LAMP5: variants seen among roughly 807,000 people sequenced by gnomAD.
The protein encoded by LAMP5 is lysosome-associated membrane glycoprotein 5.
A neutral mutation model predicts 30.2 loss-of-function variants in LAMP5; 36 were observed. The ratio of observed to expected loss-of-function variants is 1.19; its 90% CI spans 0.91 to 1.57. LAMP5 has a LOEUF of 1.57. Ranked by LOEUF, LAMP5 falls within the 40% of genes most tolerant of loss-of-function variation. LAMP5 has a pLI of 0.00. For synonymous variants in LAMP5, 149 were observed against 134.6 expected (o/e 1.11, Z -0.74); for missense variants, 377 against 354.9 (o/e 1.06, Z -0.50).
chr20:9,528,338 G>T (rs759406434), intron 5 of LAMP5, among the ~76,000 whole-genome samples: 1 of 151,946 alleles, frequency 6.6e-6, no homozygotes, highest in Non-Finnish European at 1.5e-5. Context: ...GTGTGTTTGT[G>T]TTGGGGAGAG....
At chr20:9,523,401 T>C (rs997529540) in intron 5 of LAMP5, among the ~76,000 whole-genome samples, 3 of 152,138 alleles carry the variant, frequency 2.0e-5, no homozygotes, top group African/African-American at 2.4e-5. Context: ...ATGCCATTCA[T>C]TGGGGGTGCA....
chr20:9,524,153 G>A (rs543964915), intron 5 of LAMP5, among the ~76,000 whole-genome samples: 2 of 152,188 alleles, frequency 1.3e-5, no homozygotes, highest in South Asian at 4.2e-4. Flanking sequence ...GTTCCAATAA[G>A]GAAATACATA....
chr20:9,518,826 C>G (rs767005636), intron 5 of LAMP5, among the ~76,000 whole-genome samples: 8 of 152,326 alleles, frequency 5.3e-5, no homozygotes, highest in African/African-American at 9.6e-5. Flanking sequence ...GGGGTGGGTG[C>G]GTATGCACAG....
At chr20:9,520,521 A>G (rs1467164517) in intron 5 of LAMP5, among the ~76,000 whole-genome samples, 2 of 151,930 alleles carry the variant, frequency 1.3e-5, no homozygotes, top group Non-Finnish European at 2.9e-5. Context: ...GCTTGCATGG[A>G]GAAGGAATAT....
At chr20:9,525,733 T>C (rs2045107569) in intron 5 of LAMP5, among the ~76,000 whole-genome samples, 1 of 152,180 alleles carries the variant, frequency 6.6e-6, no homozygotes, top group Admixed American at 6.5e-5. Flanking sequence ...TTCTTCCCAA[T>C]CCAACTCCAA....
rs1298331412 is a variant in LAMP5 at position 9,518,036 on chromosome 20, G to C, written c.476-4G>C. On this transcript the variant is annotated splice_region_variant and splice_polypyrimidine_tract_variant and intron_variant, in intron 4 of 5. Transcript: ENST00000246070. The stretch of plus-strand genomic sequence containing the variant: ...CTAACTATTGCTCTGGGCTCTTGCT[G>C]TAGCTGGGAAGCACACAGCCAACTC... The C allele has an allele frequency of 2.0e-6, 3 of 1,515,348 alleles. No individual in the cohort carries two copies. The highest frequency in any genetic ancestry group is 1.9e-4 in the Middle Eastern group (1 of 5,302). The allele number at this position is 1,515,348 out of a possible 1,614,324, so 93.9% of individuals were successfully genotyped here.
intron 5 of LAMP5, among the ~76,000 whole-genome samples, chr20:9,527,076 T>C (rs74816646): frequency 0.011 from 1,702 of 151,978 alleles, 37 homozygotes; most frequent in African/African-American, 0.038. Flanking sequence ...ATCCAGCTCA[T>C]TGAATTTTCA....
intron 5 of LAMP5, among the ~76,000 whole-genome samples, chr20:9,524,516 C>A (rs1187238870): frequency 1.4e-5 from 2 of 140,088 alleles, no homozygotes; most frequent in African/African-American, 2.7e-5. Flanking sequence ...AGATTAAAAG[C>A]ACTGTCTTAA....
intron 5 of LAMP5, among the ~76,000 whole-genome samples, chr20:9,528,375 G>A (rs1272381164): frequency 1.3e-5 from 2 of 151,864 alleles, no homozygotes; most frequent in Non-Finnish European, 2.9e-5. Context: ...TGGTTAATGA[G>A]TACAAACATA....
rs780153708 is a variant in LAMP5 at position 9,514,885 on chromosome 20, C to T, written c.33C>T (p.Ile11=). The T allele has an allele frequency of 2.5e-6, 4 of 1,614,170 alleles. No individual in the cohort carries two copies. Among genetic ancestry groups the T allele is most frequent in the Non-Finnish European group, 3.4e-6 (4 of 1,180,014 alleles). Residue 11 remains isoleucine, a synonymous_variant, in exon 1 of 6, where the codon ATC becomes ATT. Transcript: ENST00000246070. The part of the protein sequence containing the change: MDLQGRGVPS[I]DRLRVLLMLF... Reference sequence around the variant, plus strand: ...TCCAAGGAAGAGGGGTCCCCAGCATCGACAGACTTCGAGTTCTCCTGATGT... The same window carrying T: ...TCCAAGGAAGAGGGGTCCCCAGCATTGACAGACTTCGAGTTCTCCTGATGT...
intron 5 of LAMP5, among the ~76,000 whole-genome samples, chr20:9,524,670 A>G (rs7268305): frequency 1.6e-3 from 242 of 151,720 alleles, no homozygotes; most frequent in African/African-American, 5.4e-3. Context: ...AATATTTTAG[A>G]CTTTAGGAAG....
At position 9,529,701 on chromosome 20, in the gene LAMP5, G is replaced by A; in HGVS notation, c.724G>A (p.Gly242Arg). The A allele has an allele frequency of 6.2e-7, 1 of 1,614,122 alleles. No homozygotes were observed. Among genetic ancestry groups the A allele is most frequent in the Middle Eastern group, 1.7e-4 (1 of 6,060 alleles). ...QLEETLPLIL[G>R]LILGLVIMVT... ...GGAAGAAACCTTGCCCCTGATTTTG[G>A]GGCTCATCTTGGGCCTCGTCATCAT... Residue 242 changes from glycine to arginine, a missense_variant, in exon 6 of 6, where the codon GGG becomes AGG. By Grantham distance (125) the Gly-to-Arg change is moderately radical. Transcript: ENST00000246070.
At chr20:9,529,447 A>T (rs2045135241) in intron 5 of LAMP5, among the ~76,000 whole-genome samples, 195 bp from the exon 6 acceptor site, 1 of 152,180 alleles carries the variant, frequency 6.6e-6, no homozygotes, top group African/African-American at 2.4e-5. Context: ...TAGTTAATTG[A>T]TGTATTTTTA....
Position 9,518,043 on chromosome 20 carries a change from G to C in LAMP5, c.479G>C (p.Gly160Ala), listed in dbSNP as rs779928986. 5 of 1,613,560 alleles carry C rather than the reference G, an allele frequency of 3.1e-6. No homozygotes were observed. The East Asian group carries it at 8.9e-5, about 29-fold the overall frequency. ...TTGCTCTGGGCTCTTGCTGTAGCTG[G>C]GAAGCACACAGCCAACTCGCACCAC... The part of the protein sequence containing the change: ...KTHFKDAVSA[G>A]KHTANSHHLS... The change falls in exon 5 of 6, where the codon GGG becomes GCG. Residue 160 changes from glycine (G) to alanine (A), a missense_variant. By Grantham distance (60) the Gly-to-Ala change is moderately conservative. Coordinates refer to ENST00000246070, the MANE Select transcript of LAMP5 (RefSeq NM_012261.4).
In LAMP5 at chr20:9,518,131, A is replaced by G; in HGVS notation, c.567A>G (p.Ser189=). 6.2e-7 allele frequency: 1 copy of G among 1,614,076 alleles called. No individual in the cohort carries two copies. The highest frequency in any genetic ancestry group is 8.5e-7 in the Non-Finnish European group (1 of 1,179,990). Residue 189 remains serine, a synonymous_variant, in exon 5 of 6, where the codon TCA becomes TCG. Coordinates refer to ENST00000246070, the MANE Select transcript of LAMP5 (RefSeq NM_012261.4). ...AGTGTCAAGCTCAACAAACCATTTC[A>G]CTGGCCTCTAGTGATCCGCAGAAGA... ...SYECQAQQTI[S]LASSDPQKTV...
rs1447348888 is a variant in LAMP5, at chr20:9,529,940, G to C, written c.*120G>C. The C allele has an allele frequency of 3.0e-6, 3 of 989,984 alleles. No homozygotes were observed. The highest frequency in any genetic ancestry group is 1.6e-5 in the African/African-American group (1 of 62,158). 61.3% of individuals were successfully genotyped at this position (989,984 alleles called of 1,614,324 possible). On this transcript the variant is annotated 3_prime_UTR_variant, in exon 6 of 6. Coordinates refer to ENST00000246070, the MANE Select transcript of LAMP5 (RefSeq NM_012261.4). The stretch of plus-strand genomic sequence containing the variant: ...ACATAGCTACAATCAAACAGGCCTG[G>C]GTATCTGAGGCTTGCTTGGCTTGTG...
At position 9,529,942 on chromosome 20, in the gene LAMP5, T is replaced by G; in HGVS notation, c.*122T>G. 1 of 956,426 alleles carries G rather than the reference T, an allele frequency of 1.0e-6. No homozygotes were observed. The highest frequency in any genetic ancestry group is 1.5e-6 in the Non-Finnish European group (1 of 647,344). 59.2% of individuals were successfully genotyped at this position (956,426 alleles called of 1,614,324 possible). A position where few individuals can be genotyped will look rare whatever the true frequency, so the allele number is the denominator to read the frequency against. On this transcript the variant is annotated 3_prime_UTR_variant, in exon 6 of 6. Transcript: ENST00000246070. ...ATAGCTACAATCAAACAGGCCTGGG[T>G]ATCTGAGGCTTGCTTGGCTTGTGTC...
At chr20:9,522,408 G>T (rs560057389) in intron 5 of LAMP5, among the ~76,000 whole-genome samples, 29 of 152,284 alleles carry the variant, frequency 1.9e-4, no homozygotes, top group African/African-American at 6.5e-4. Flanking sequence ...GAGTTTTGTA[G>T]ACCTGTGACT....
At position 9,516,077 on chromosome 20, in the gene LAMP5, G is replaced by A; in HGVS notation, c.315G>A (p.Glu105=). 6.5e-7 allele frequency: 1 copy of A among 1,548,988 alleles called. No individual in the cohort carries two copies. The highest frequency in any genetic ancestry group is 8.7e-7 in the Non-Finnish European group (1 of 1,154,212). The change falls in exon 3 of 6, where the codon GAG becomes GAA. Residue 105 remains glutamate (E), a synonymous_variant. Coordinates refer to ENST00000246070, the MANE Select transcript of LAMP5 (RefSeq NM_012261.4). ...GCCGCTGTGGCCACAGCCAGTCGGAGCTGCAAGTGTTCTGGGTGGATCGCG... is the reference window on the plus strand; with the variant it reads ...GCCGCTGTGGCCACAGCCAGTCGGAACTGCAAGTGTTCTGGGTGGATCGCG... ...VKGRCGHSQS[E]LQVFWVDRAY...
Sources: gnomAD v4.1 joint callset for allele counts (sites outside exome capture counted in the v4.1 genomes callset) on GRCh38, gnomAD v4.1.1 for gene constraint, MANE v1.5 for transcripts, NCBI Gene and HGNC (gene_info 2026-07-23, HGNC 2026-07-21) for gene names.